Variants in PALM observed in about 807,000 individuals in gnomAD.
The protein encoded by PALM is paralemmin.
Under a neutral mutation model 30.7 loss-of-function variants are expected in PALM, and 18 were observed. The ratio of observed to expected loss-of-function variants is 0.59; its 90% CI spans 0.41 to 0.87. The LOEUF is 0.87. Ranked by LOEUF, PALM falls within the 40% of genes least tolerant of loss-of-function variation. The probability of loss-of-function intolerance (pLI) is 0.00; values close to 1 mark genes in which losing one functional copy is unlikely to be tolerated. For synonymous variants in PALM, 286 were observed against 242.8 expected (o/e 1.18, Z -1.66); for missense variants, 529 against 555.4 (o/e 0.95, Z 0.48).
chr19:744,356 C>T (rs1428846465), intron 8 of PALM, among the ~76,000 whole-genome samples: 2 of 149,776 alleles, frequency 1.3e-5, no homozygotes, highest in African/African-American at 2.5e-5. Flanking sequence ...GCCGAGATGG[C>T]ACCACTGCAC....
At chr19:720,993 C>T (rs1295002383) in intron 1 of PALM, among the ~76,000 whole-genome samples, 1 of 152,210 alleles carries the variant, frequency 6.6e-6, no homozygotes, top group East Asian at 1.9e-4. Context: ...TGGGGTGGCC[C>T]GGGGCTGGGC....
rs1413107537 is a variant in PALM, at chr19:742,522, T to A, written c.634+2039T>A. On this transcript the variant is annotated intron_variant, in intron 8 of 8. Coordinates refer to ENST00000338448, the MANE Select transcript of PALM (RefSeq NM_002579.3). This position sits in a 1 kb window ranked among gnomAD's most constrained non-coding sequence, Gnocchi z 5.5. Reference sequence around the variant, plus strand: ...TTGGAGGCTGAAGCAGGAGAATCACTTGAACCCAGGAGGCGGAGGTTGCAG... The same window carrying A: ...TTGGAGGCTGAAGCAGGAGAATCACATGAACCCAGGAGGCGGAGGTTGCAG... Among the ~76,000 whole-genome samples the A allele has an allele frequency of 6.6e-6, 1 of 151,738 alleles. No individual in the cohort carries two copies. Among genetic ancestry groups the A allele is most frequent in the Non-Finnish European group, 1.5e-5 (1 of 67,958 alleles).
Position 747,533 on chromosome 19 carries a change from T to A in PALM, c.*719T>A, listed in dbSNP as rs1368352813. ...TCTAGACGGGGCGAACCAGGGGTCA[T>A]TGACCTGCCCCCTGCACAGGGCAGG... On this transcript the variant is annotated 3_prime_UTR_variant, in exon 9 of 9. Coordinates refer to ENST00000338448, the MANE Select transcript of PALM (RefSeq NM_002579.3). 4 of 152,570 alleles carry A rather than the reference T, an allele frequency of 2.6e-5. No individual in the cohort carries two copies. Among genetic ancestry groups the A allele is most frequent in the Admixed American group, 6.5e-5 (1 of 15,286 alleles). The allele number at this position is 152,570 out of a possible 1,614,324, so 9.5% of individuals were successfully genotyped here. A position where few individuals can be genotyped will look rare whatever the true frequency, so the allele number is the denominator to read the frequency against.
chr19:729,242 C>A (rs1209883355), intron 4 of PALM, among the ~76,000 whole-genome samples: 2 of 151,070 alleles, frequency 1.3e-5, no homozygotes, highest in Admixed American at 6.6e-5. Flanking sequence ...AGGAGAATTG[C>A]TTGAACCCAG....
At chr19:710,259 C>T (rs955839673) in intron 1 of PALM, among the ~76,000 whole-genome samples, 1 of 152,196 alleles carries the variant, frequency 6.6e-6, no homozygotes, top group Non-Finnish European at 1.5e-5. Flanking sequence ...GGGTGGGGGC[C>T]GCTGCCTCCC....
At position 727,553 on chromosome 19, in the gene PALM, C is replaced by T. The variant is rs1332763735; in HGVS notation, c.139-11C>T. 1 of 1,583,076 alleles carries T rather than the reference C, an allele frequency of 6.3e-7. No individual in the cohort carries two copies. Among genetic ancestry groups the T allele is most frequent in the Non-Finnish European group, 8.6e-7 (1 of 1,164,844 alleles). ...CTGCCCACGACTCTGACCTGGATCC[C>T]TGCTGCTCAGTCCAAGGCACTGCGG... On this transcript the variant is annotated splice_polypyrimidine_tract_variant and intron_variant, in intron 3 of 8. Coordinates refer to ENST00000338448, the MANE Select transcript of PALM (RefSeq NM_002579.3).
chr19:731,134 C>T lies in PALM; in HGVS notation c.309C>T (p.Ser103=), dbSNP rs750379556. The T allele has an allele frequency of 3.1e-5, 49 of 1,604,654 alleles. No homozygotes were observed. The highest frequency in any genetic ancestry group is 3.7e-5 in the Non-Finnish European group (43 of 1,176,374). The part of the protein sequence containing the change: ...KEIEVLERGD[S]APATAKENAA... The stretch of plus-strand genomic sequence containing the variant: ...TTGAGGTGCTGGAGCGTGGAGACTC[C>T]GCCCCAGCCACTGCCAAGGAGAACG... The change falls in exon 5 of 9, where the codon TCC becomes TCT. Residue 103 remains serine, a synonymous_variant. Transcript: ENST00000338448.
In PALM at chr19:734,185, A is replaced by G; in HGVS notation, c.433A>G (p.Thr145Ala). Residue 145 changes from threonine to alanine, a missense_variant, in exon 6 of 9, where the codon ACG (threonine) becomes GCG (alanine). Coordinates refer to ENST00000338448, the MANE Select transcript of PALM (RefSeq NM_002579.3). Reference protein sequence around the residue: ...VMNSQQTPVGTPKDKRVSNTP... With the variant: ...VMNSQQTPVGAPKDKRVSNTP... ...TTCTTTCTTGCAGACGCCGGTGGGCACGCCCAAAGGTAGGACCTCTGGAAG... is the reference window on the plus strand; with the variant it reads ...TTCTTTCTTGCAGACGCCGGTGGGCGCGCCCAAAGGTAGGACCTCTGGAAG... The G allele has an allele frequency of 6.2e-7, 1 of 1,613,838 alleles. No individual in the cohort carries two copies.
At chr19:728,418 C>A (rs983075168) in intron 4 of PALM, among the ~76,000 whole-genome samples, 3 of 152,192 alleles carry the variant, frequency 2.0e-5, no homozygotes, top group African/African-American at 7.2e-5. Context: ...GTTCTGACCC[C>A]GTGGGGGCCC....
intron 4 of PALM, among the ~76,000 whole-genome samples, chr19:729,414 T>C (rs1410046317): frequency 4.6e-5 from 7 of 151,494 alleles, no homozygotes; most frequent in Non-Finnish European, 5.9e-5. Context: ...TGGGCCTCAG[T>C]TTCCTCACCT....
Position 727,619 on chromosome 19 carries a change from A to T in PALM, c.194A>T (p.Glu65Val). The T allele has an allele frequency of 6.3e-7, 1 of 1,577,272 alleles. No individual in the cohort carries two copies. The highest frequency in any genetic ancestry group is 8.6e-7 in the Non-Finnish European group (1 of 1,161,904). The change falls in exon 4 of 9, where the codon GAG (glutamate) becomes GTG (valine). Residue 65 changes from glutamate (E) to valine (V), a missense_variant. Transcript: ENST00000338448. ...GAGGGGACGCCGTCCTCGGCCTCAG[A>T]GGGGGATGAGGACCTGAGGAGGCAG... ...LLEGTPSSAS[E>V]GDEDLRRQMQ...
rs1335779584 is a variant in PALM, at chr19:709,574, C to CG, written c.5+424dup. On this transcript the variant is annotated intron_variant, in intron 1 of 8. Transcript: ENST00000338448. The surrounding 1 kb of genome is among the most constrained non-coding windows in gnomAD (Gnocchi z 4.3). ...GCCTCGCGCTCACGCACCCTTCCCC[C>CG]GCCCCAGTCTGAGCGCACGGCTCCT... Among the ~76,000 whole-genome samples, 3 of 152,112 alleles carry CG rather than the reference C, an allele frequency of 2.0e-5. No homozygotes were observed. Among genetic ancestry groups the CG allele is most frequent in the Non-Finnish European group, 4.4e-5 (3 of 67,972 alleles).
At chr19:711,853 C>A (rs1291738336) in intron 1 of PALM, among the ~76,000 whole-genome samples, 1 of 152,144 alleles carries the variant, frequency 6.6e-6, no homozygotes. Flanking sequence ...CTCCTGGGCT[C>A]AAGCGACTTC....
chr19:710,461 G>A (rs529199159), intron 1 of PALM, among the ~76,000 whole-genome samples: 2 of 152,236 alleles, frequency 1.3e-5, no homozygotes, highest in African/African-American at 4.8e-5. Flanking sequence ...GGCCCCGGAG[G>A]AGCCTCTGGG....
intron 1 of PALM, among the ~76,000 whole-genome samples, chr19:721,057 G>A (rs1463299726): frequency 2.6e-5 from 4 of 152,166 alleles, no homozygotes; most frequent in African/African-American, 9.7e-5. Flanking sequence ...CTCCCTGGAC[G>A]TGGCTTCCAG....
chr19:728,847 C>T (rs2032777136), intron 4 of PALM, among the ~76,000 whole-genome samples: 1 of 151,670 alleles, frequency 6.6e-6, no homozygotes, highest in Admixed American at 6.6e-5. Flanking sequence ...ACTAAAAATA[C>T]AAAAAAATTA....
At chr19:719,505 C>G (rs898982162) in intron 1 of PALM, 145 of 985,474 alleles carry the variant, frequency 1.5e-4, no homozygotes, top group Middle Eastern at 1.0e-3. Context: ...TCCAGGGGCT[C>G]TGCGCGGCTG....
chr19:735,696 G>A (rs112344066), intron 6 of PALM, among the ~76,000 whole-genome samples: 22 of 25,962 alleles, frequency 8.5e-4, no homozygotes, highest in East Asian at 8.2e-3. Flanking sequence ...GCCTGTCTGG[G>A]TGTCTGGGGG....
intron 1 of PALM, among the ~76,000 whole-genome samples, chr19:716,445 C>A (rs1453771729): frequency 1.3e-5 from 2 of 151,702 alleles, no homozygotes; most frequent in Non-Finnish European, 2.9e-5. Flanking sequence ...AGATTAGGAC[C>A]AGAGTGAGGC....
Sources: allele counts gnomAD v4.1 joint callset (sites outside exome capture counted in the v4.1 genomes callset), GRCh38; gene constraint gnomAD v4.1.1; non-coding constraint Gnocchi (gnomAD v3.1); transcripts MANE v1.5; gene names NCBI Gene and HGNC (gene_info 2026-07-23, HGNC 2026-07-21).